MARCHF10: variants seen among roughly 807,000 people sequenced by gnomAD.
The protein encoded by MARCHF10 is membrane associated ring-CH-type finger 10, also known as probable E3 ubiquitin-protein ligase MARCHF10.
MARCHF10 carries 64 observed loss-of-function variants against 76.2 expected under a neutral mutation model. That is an observed-to-expected ratio of 0.84 (90% CI 0.69 to 1.03). The LOEUF is 1.03. Ranked by LOEUF, MARCHF10 falls within the 50% of genes least tolerant of loss-of-function variation. The pLI, the probability that MARCHF10 is intolerant of heterozygous loss-of-function variation, is 0.00. For missense variants in MARCHF10, 875 were observed against 958.0 expected (o/e 0.91, Z 1.14); for synonymous variants, 340 against 357.5 (o/e 0.95, Z 0.55).
At chr17:62,702,588 C>T (rs1405467699) in intron 10 of MARCHF10, among the ~76,000 whole-genome samples, 1 of 152,108 alleles carries the variant, frequency 6.6e-6, no homozygotes, top group African/African-American at 2.4e-5. Flanking sequence ...ATCGCTTGAA[C>T]TTGGGAGGCA....
intron 6 of MARCHF10, among the ~76,000 whole-genome samples, chr17:62,732,233 C>G (rs1254972920): frequency 2.0e-5 from 3 of 152,152 alleles, no homozygotes; most frequent in Admixed American, 2.0e-4. Context: ...AGATTAAATG[C>G]AATTCCAATA....
intron 6 of MARCHF10, among the ~76,000 whole-genome samples, chr17:62,729,333 A>G (rs980381545): frequency 1.3e-5 from 2 of 151,822 alleles, no homozygotes; most frequent in Non-Finnish European, 1.5e-5. Context: ...TAGCATATTT[A>G]TAAGTATTGA....
intron 10 of MARCHF10, chr17:62,704,946 G>GTTTTTTTT: frequency 1.2e-5 from 10 of 837,054 alleles, no homozygotes; most frequent in African/African-American, 1.9e-5. Flanking sequence ...TTCTCCAGTC[G>GTTTTTTTT]TTTTTTTTTT....
chr17:62,745,779 G>A (rs1450154133), intron 4 of MARCHF10, among the ~76,000 whole-genome samples: 2 of 152,200 alleles, frequency 1.3e-5, no homozygotes, highest in South Asian at 2.1e-4. Flanking sequence ...ACAGTTTTGA[G>A]TTTCCTCTTC....
chr17:62,760,744 G>A (rs1413988392), intron 3 of MARCHF10, among the ~76,000 whole-genome samples: 1 of 152,234 alleles, frequency 6.6e-6, no homozygotes, highest in Non-Finnish European at 1.5e-5. Flanking sequence ...TTTAAGTACA[G>A]CCTGATGGCT....
At chr17:62,773,391 A>T (rs918101005) in intron 3 of MARCHF10, among the ~76,000 whole-genome samples, 3 of 152,204 alleles carry the variant, frequency 2.0e-5, no homozygotes, top group African/African-American at 7.2e-5. Context: ...TGGAATGATG[A>T]GCATGGAAGC....
intron 8 of MARCHF10, among the ~76,000 whole-genome samples, chr17:62,715,068 C>T (rs924003425): frequency 1.3e-5 from 2 of 152,188 alleles, no homozygotes; most frequent in African/African-American, 4.8e-5. Context: ...CCTTTCCTCC[C>T]TGCATTTCTG....
At chr17:62,785,201 G>C (rs2092725333) in intron 3 of MARCHF10, among the ~76,000 whole-genome samples, 1 of 152,092 alleles carries the variant, frequency 6.6e-6, no homozygotes, top group African/African-American at 2.4e-5. Flanking sequence ...GAACAGAAAA[G>C]AGGCCTCAGA....
At chr17:62,767,820 T>C (rs2092367547) in intron 3 of MARCHF10, among the ~76,000 whole-genome samples, 1 of 152,132 alleles carries the variant, frequency 6.6e-6, no homozygotes, top group African/African-American at 2.4e-5. Flanking sequence ...AAATCCCTTC[T>C]AAATCGCTAA....
rs537759057 is a variant in MARCHF10 at position 62,784,743 on chromosome 17, C to T, written c.210+3737G>A. Among the ~76,000 whole-genome samples, 12 of 152,138 alleles carry T rather than the reference C, an allele frequency of 7.9e-5. No homozygotes were observed. In the South Asian group the frequency reaches 2.5e-3, roughly 32 times the overall value. ...TATGCACCAATAACAGACAAACAGACAGCCAAATCATGAGTGAACTCTCAT... is the reference window on the plus strand; with the variant it reads ...TATGCACCAATAACAGACAAACAGATAGCCAAATCATGAGTGAACTCTCAT... On this transcript the variant is annotated intron_variant, in intron 3 of 10. Coordinates refer to ENST00000311269, the MANE Select transcript of MARCHF10 (RefSeq NM_152598.4).
rs751343965 is a variant in MARCHF10, at chr17:62,701,737, T to C, written c.2393A>G (p.Asn798Ser). The change falls in exon 11 of 11, where the codon AAT (asparagine) becomes AGT (serine). Residue 798 changes from asparagine to serine, a missense_variant. By Grantham distance (46) the Asn-to-Ser change is conservative (BLOSUM62 1). Coordinates refer to ENST00000311269, the MANE Select transcript of MARCHF10 (RefSeq NM_152598.4). ...ENENSELGDG[N>S]EGSISQSQVV ...CTGGCTTTGAGAAATGCTGCCTTCA[T>C]TTCCATCTCCCAACTCCGAATCTGG... The C allele has an allele frequency of 1.4e-5, 22 of 1,614,182 alleles. No individual in the cohort carries two copies. Among genetic ancestry groups the C allele is most frequent in the Non-Finnish European group, 1.5e-5 (18 of 1,180,040 alleles).
At chr17:62,742,739 C>T (rs1298357825) in intron 5 of MARCHF10, among the ~76,000 whole-genome samples, 1 of 151,056 alleles carries the variant, frequency 6.6e-6, no homozygotes, top group Non-Finnish European at 1.5e-5. Context: ...CACTCCATTG[C>T]CCAGGTTGGA....
chr17:62,705,475 G>C, intron 10 of MARCHF10, 64 bp downstream of exon 10: 1 of 1,613,926 alleles, frequency 6.2e-7, no homozygotes, highest in Non-Finnish European at 8.5e-7. Context: ...GTTCCACACA[G>C]TCACAGAAAA....
rs1380291192 is a variant in MARCHF10, at chr17:62,711,315, C to T, written c.2244G>A (p.Leu748=). 2 of 1,614,164 alleles carry T rather than the reference C, an allele frequency of 1.2e-6. No homozygotes were observed. Among genetic ancestry groups the T allele is most frequent in the East Asian group, 2.2e-5 (1 of 44,882 alleles). The change falls in exon 9 of 11, where the codon TTG becomes TTA. Residue 748 remains leucine (L), a synonymous_variant. Coordinates refer to ENST00000311269, the MANE Select transcript of MARCHF10 (RefSeq NM_152598.4). The surrounding 1 kb of genome is among the most constrained non-coding windows in gnomAD (Gnocchi z 4.4). ...QAQNELMNSG[L]YLVLLLHLYE... ...AGAGGTGAAGCAGCAGCACCAGGTA[C>T]AAGCCTGAATTCATCAGCTCGTTTT...
rs199905376 is a variant in MARCHF10 at position 62,737,090 on chromosome 17, T to C, written c.778A>G (p.Thr260Ala). 137 of 1,613,888 alleles carry C rather than the reference T, an allele frequency of 8.5e-5. No individual in the cohort carries two copies. In the African/African-American group the frequency reaches 1.7e-3, roughly 19 times the overall value. The change falls in exon 6 of 11, where the codon ACT (threonine) becomes GCT (alanine). Residue 260 changes from threonine to alanine, a missense_variant. Transcript: ENST00000311269. The stretch of plus-strand genomic sequence containing the variant: ...GATGCCTTTCTTGGCCCTCCTACAG[T>C]GGTGGGTGTGAGTGGTGGCCCCGAG... ...EFSGPPLTPT[T>A]VGGPRKASFR...
intron 3 of MARCHF10, among the ~76,000 whole-genome samples, chr17:62,766,629 C>T (rs1416023936): frequency 6.6e-6 from 1 of 152,174 alleles, no homozygotes; most frequent in Admixed American, 6.5e-5. Flanking sequence ...CCCCTTCATC[C>T]TTTATTTGAA....
chr17:62,755,339 G>A (rs922943828), intron 4 of MARCHF10, among the ~76,000 whole-genome samples: 12 of 152,098 alleles, frequency 7.9e-5, no homozygotes, highest in African/African-American at 2.9e-4. Context: ...AGGACTCCAG[G>A]TGCCAGAATC....
intron 8 of MARCHF10, among the ~76,000 whole-genome samples, chr17:62,718,189 G>T (rs570271592): frequency 1.3e-5 from 2 of 152,320 alleles, no homozygotes; most frequent in African/African-American, 4.8e-5. Flanking sequence ...ACAGATAAGA[G>T]AACTGAGGTG....
intron 3 of MARCHF10, among the ~76,000 whole-genome samples, chr17:62,774,938 C>A (rs1255447733): frequency 6.6e-6 from 1 of 151,880 alleles, no homozygotes; most frequent in Non-Finnish European, 1.5e-5. Flanking sequence ...CCTGTAATCC[C>A]AGCTACTCGG....
Sources: allele counts gnomAD v4.1 joint callset (sites outside exome capture counted in the v4.1 genomes callset), GRCh38; gene constraint gnomAD v4.1.1; non-coding constraint Gnocchi (gnomAD v3.1); transcripts MANE v1.5; gene names NCBI Gene and HGNC (gene_info 2026-07-23, HGNC 2026-07-21).